Variants in DCTN4 observed in about 807,000 individuals in gnomAD.
The protein encoded by DCTN4 is dynactin 4 (p62).
DCTN4 carries 23 observed loss-of-function variants against 62.7 expected under a neutral mutation model. The observed-to-expected ratio is 0.37, with a 90% CI of 0.26 to 0.52. The LOEUF (loss-of-function observed/expected upper bound fraction) is 0.52, where lower values mean the gene tolerates loss of function less well. DCTN4 is among the 20% of genes least tolerant of loss of function. The probability of loss-of-function intolerance (pLI) is 0.92; values close to 1 mark genes in which losing one functional copy is unlikely to be tolerated. For missense variants in DCTN4, 514 were observed against 580.4 expected (o/e 0.89, Z 1.18); for synonymous variants, 199 against 202.1 (o/e 0.98, Z 0.13).
intron 10 of DCTN4, 100 bp downstream of exon 10, chr5:150,719,616 A>T: frequency 1.2e-6 from 1 of 829,970 alleles, no homozygotes; most frequent in Non-Finnish European, 2.0e-6. Context: ...TCCCTTGCTC[A>T]CTGGATCCTG....
chr5:150,715,421 T>C, intron 12 of DCTN4, 144 bp downstream of exon 12: 2 of 632,522 alleles, frequency 3.2e-6, no homozygotes, highest in Non-Finnish European at 5.4e-6. Flanking sequence ...GTCTTACATA[T>C]ATTTCCCCAA....
Position 150,732,042 on chromosome 5 carries a change from A to T in DCTN4, c.538-553T>A. 3 of 782,150 alleles carry T rather than the reference A, an allele frequency of 3.8e-6. No homozygotes were observed. The South Asian group carries it at 4.5e-5, about 12-fold the overall frequency. The allele number at this position is 782,150 out of a possible 1,614,324, so 48.5% of individuals were successfully genotyped here. The stretch of plus-strand genomic sequence containing the variant: ...TCATTTAATTCAAATTCTACCTCTA[A>T]ATATAACACACATTGGTGCATATGC... On this transcript the variant is annotated intron_variant, in intron 5 of 12. Transcript: ENST00000447998.
rs3733925 is a variant in DCTN4, at chr5:150,710,782, T to C, written c.*367A>G. 10,118 of 234,922 alleles carry C rather than the reference T, an allele frequency of 0.043. 298 individuals carry two copies. The highest frequency in any genetic ancestry group is 0.093 in the East Asian group (1,028 of 11,032). 14.6% of individuals were successfully genotyped at this position (234,922 alleles called of 1,614,324 possible). On this transcript the variant is annotated 3_prime_UTR_variant, in exon 13 of 13. Transcript: ENST00000447998. ...TGGGTTATCATTTAAGTTTCATCTG[T>C]GACATTGTGATCCTTAGTGAGATCA...
Position 150,753,586 on chromosome 5 carries a change from T to C in DCTN4, c.278A>G (p.Gln93Arg). The change falls in exon 3 of 13, where the codon CAG becomes CGG. Residue 93 changes from glutamine (Q) to arginine (R), a missense_variant. Transcript: ENST00000447998. ...GGTCTTGGCTGGGTCATCTGGAAGC[T>C]GTGTGGAGATGCTCGTGGCCCGAGT... ...LSTRATSIST[Q>R]LPDDPAKTTM... 1 of 1,614,176 alleles carries C rather than the reference T, an allele frequency of 6.2e-7. No homozygotes were observed. Among genetic ancestry groups the C allele is most frequent in the Non-Finnish European group, 8.5e-7 (1 of 1,180,018 alleles).
intron 4 of DCTN4, among the ~76,000 whole-genome samples, chr5:150,735,945 C>CA (rs1227116475): frequency 7.1e-6 from 1 of 141,282 alleles, no homozygotes; most frequent in Non-Finnish European, 1.6e-5. Context: ...AGGTTATGGA[C>CA]AAAAAAAATC....
At chr5:150,753,781 C>T in intron 2 of DCTN4, 124 bp from the exon 3 acceptor site, 1 of 972,402 alleles carries the variant, frequency 1.0e-6, no homozygotes, top group East Asian at 2.6e-5. Context: ...CTCTTACCAA[C>T]TTTGCTTTAA....
At position 150,732,129 on chromosome 5, in the gene DCTN4, A is replaced by G. The variant is rs568959302; in HGVS notation, c.538-640T>C. Among the ~76,000 whole-genome samples, 3 of 152,284 alleles carry G rather than the reference A, an allele frequency of 2.0e-5. No individual in the cohort carries two copies. In the East Asian group the frequency reaches 5.8e-4, roughly 29 times the overall value. On this transcript the variant is annotated intron_variant, in intron 5 of 12. Coordinates refer to ENST00000447998, the MANE Select transcript of DCTN4 (RefSeq NM_016221.4). ...CTTTTTGCAAATGTAGGTGCTTTGC[A>G]AGTGTTAATGTTTTTAAATTCTAAT... is the stretch of plus-strand genomic sequence containing the variant.
intron 7 of DCTN4, 96 bp downstream of exon 7, chr5:150,730,948 C>G (rs1760338796): frequency 1.2e-6 from 1 of 827,910 alleles, no homozygotes; most frequent in East Asian, 2.5e-5. Flanking sequence ...CTACTAACAG[C>G]TATTCCATTA....
At chr5:150,734,710 C>T (rs372730320) in intron 4 of DCTN4, among the ~76,000 whole-genome samples, 4 of 152,150 alleles carry the variant, frequency 2.6e-5, no homozygotes, top group South Asian at 4.1e-4. Context: ...CGGGAAGGGG[C>T]GGAGTCCAAA....
At chr5:150,721,884 G>C (rs372865665) in intron 9 of DCTN4, among the ~76,000 whole-genome samples, 1 of 152,214 alleles carries the variant, frequency 6.6e-6, no homozygotes, top group African/African-American at 2.4e-5. Flanking sequence ...GAGTGCTGTG[G>C]GACAATCATA....
rs1359007566 is a variant in DCTN4 at position 150,715,554 on chromosome 5, AG to A, written c.1169+10del. ...CATTTGTTGTATGGGGATCACAAAA[AG>A]ATCACTCACTCAGGATCGTCCTGAA... On this transcript the variant is annotated intron_variant, in intron 12 of 12. Transcript: ENST00000447998. 6.2e-7 allele frequency: 1 copy of A among 1,611,502 alleles called. No homozygotes were observed. The highest frequency in any genetic ancestry group is 1.7e-5 in the Admixed American group (1 of 59,988).
At chr5:150,729,042 CTTTTTT>C (rs61106544) in intron 8 of DCTN4, among the ~76,000 whole-genome samples, 20 of 52,144 alleles carry the variant, frequency 3.8e-4, no homozygotes, top group Admixed American at 1.2e-3. Flanking sequence ...ACCACACTGG[CTTTTTT>C]TTTTTTTTTT....
At chr5:150,737,582 G>C (rs1184572282) in intron 4 of DCTN4, among the ~76,000 whole-genome samples, 1 of 151,796 alleles carries the variant, frequency 6.6e-6, no homozygotes, top group Non-Finnish European at 1.5e-5. Context: ...ATAATAGTGA[G>C]ACACAACCTA....
In DCTN4 at chr5:150,731,127, A is replaced by G; in HGVS notation, c.641T>C (p.Ile214Thr). The change falls in exon 7 of 13, where the codon ATA (isoleucine) becomes ACA (threonine). Residue 214 changes from isoleucine to threonine, a missense_variant. Physicochemically the swap from Ile to Thr is moderately conservative, Grantham distance 89 (BLOSUM62 -1). Transcript: ENST00000447998. ...CACAGCCTGAGCTGGCTCAATCTTT[A>G]TCTCTTTCTGATCCTCTCCTTCTTT... The part of the protein sequence containing the change: ...SLKEGEDQKE[I>T]KIEPAQAVDE... 1 of 1,612,700 alleles carries G rather than the reference A, an allele frequency of 6.2e-7. No homozygotes were observed. The highest frequency in any genetic ancestry group is 8.5e-7 in the Non-Finnish European group (1 of 1,178,716).
chr5:150,730,477 G>A (rs1015501814), intron 8 of DCTN4, among the ~76,000 whole-genome samples, 154 bp downstream of exon 8: 1 of 152,186 alleles, frequency 6.6e-6, no homozygotes, highest in African/African-American at 2.4e-5. Flanking sequence ...TATATTGAAA[G>A]CATTTAAAAT....
In DCTN4 at chr5:150,739,194, A is replaced by G. The variant is rs181916923; in HGVS notation, c.429+2920T>C. ...AGATTTCATCTCAAAAAAAAAAAAA[A>G]AAGTTTTGAATTCAGTAAAGTTTCA... On this transcript the variant is annotated intron_variant, in intron 4 of 12. Coordinates refer to ENST00000447998, the MANE Select transcript of DCTN4 (RefSeq NM_016221.4). Among the ~76,000 whole-genome samples, 983 of 151,928 alleles carry G rather than the reference A, an allele frequency of 6.5e-3. 5 individuals carry two copies. The highest frequency in any genetic ancestry group is 9.9e-3 in the Non-Finnish European group (676 of 67,988).
At chr5:150,735,628 C>A (rs1581585339) in intron 4 of DCTN4, among the ~76,000 whole-genome samples, 1 of 152,208 alleles carries the variant, frequency 6.6e-6, no homozygotes, top group Non-Finnish European at 1.5e-5. Context: ...CATCAAGGAA[C>A]AATGTCGTAG....
At chr5:150,719,640 C>T in intron 10 of DCTN4, 76 bp downstream of exon 10, 1 of 1,069,952 alleles carries the variant, frequency 9.3e-7, no homozygotes, top group Non-Finnish European at 1.4e-6. Flanking sequence ...CAAATACACA[C>T]ACAGCCACCC....
At chr5:150,718,466 G>A (rs41290555) in intron 10 of DCTN4, 83 bp from the exon 11 acceptor site, 81,650 of 852,940 alleles carry the variant, frequency 0.096, 4,912 homozygotes, top group Non-Finnish European at 0.12. Context: ...TACCATCCCC[G>A]CCATTACTCC....
Sources: gnomAD v4.1 joint callset for allele counts (sites outside exome capture counted in the v4.1 genomes callset) on GRCh38, gnomAD v4.1.1 for gene constraint, MANE v1.5 for transcripts, NCBI Gene and HGNC (gene_info 2026-07-23, HGNC 2026-07-21) for gene names.